KLF8: variants seen among roughly 807,000 people sequenced by gnomAD.
KLF8 encodes KLF transcription factor 8.
In KLF8, 10 loss-of-function variants were observed where a neutral mutation model predicts 18.2. The ratio of observed to expected loss-of-function variants is 0.55; its 90% confidence interval spans 0.34 to 0.93. The LOEUF (loss-of-function observed/expected upper bound fraction) is 0.93. KLF8 is among the 40% of genes least tolerant of loss of function. The pLI is 0.02. For synonymous variants in KLF8, 109 were observed against 97.3 expected (o/e 1.12, Z -0.71); for missense variants, 264 against 277.9 (o/e 0.95, Z 0.36).
At chrX:56,000,477 G>A in the KLF8 span, among the ~76,000 whole-genome samples, 1 of 54,805 alleles carries the variant, frequency 1.8e-5, no homozygotes, top group Non-Finnish European at 2.7e-5. Flanking sequence ...CTTTTTCTTG[G>A]GGGGGGGGGG....
the KLF8 span, among the ~76,000 whole-genome samples, chrX:56,201,631 T>A: frequency 8.9e-6 from 1 of 111,777 alleles, no homozygotes; most frequent in Admixed American, 9.5e-5. Flanking sequence ...ATTATTATAG[T>A]GAAGAAGACA....
chrX:56,183,888 G>A, the KLF8 span, among the ~76,000 whole-genome samples: 19 of 111,484 alleles, frequency 1.7e-4, no homozygotes, highest in African/African-American at 6.2e-4. Context: ...CCCGGAGGTG[G>A]CAGCCAAGAT....
At chrX:55,910,074 G>C in the KLF8 span, among the ~76,000 whole-genome samples, 1 of 111,980 alleles carries the variant, frequency 8.9e-6, no homozygotes, top group African/African-American at 3.2e-5. Context: ...TTTTTGTTTG[G>C]TCAATGGAAT....
At chrX:56,248,427 C>T (rs757491035) in intron 1 of KLF8, among the ~76,000 whole-genome samples, 17 of 111,516 alleles carry the variant, frequency 1.5e-4, no homozygotes, top group Non-Finnish European at 3.0e-4. Context: ...ACCGTGTTAC[C>T]CCCTCTTTTG....
the KLF8 span, among the ~76,000 whole-genome samples, chrX:56,147,709 T>C: frequency 8.9e-6 from 1 of 112,052 alleles, no homozygotes; most frequent in South Asian, 3.7e-4. Flanking sequence ...CCGAGCATGG[T>C]GGTTCATGCC....
chrX:56,007,060 G>T, the KLF8 span, among the ~76,000 whole-genome samples: 1 of 112,197 alleles, frequency 8.9e-6, no homozygotes, highest in Non-Finnish European at 1.9e-5. Flanking sequence ...GATGCCATCA[G>T]TGGCAGCAGC....
the KLF8 span, among the ~76,000 whole-genome samples, chrX:56,162,118 C>T: frequency 2.7e-5 from 3 of 111,687 alleles, no homozygotes; most frequent in Non-Finnish European, 5.6e-5. Flanking sequence ...GCTGCCTGAA[C>T]GTTCCTCTGG....
chrX:55,922,394 T>C, the KLF8 span, among the ~76,000 whole-genome samples: 1 of 112,240 alleles, frequency 8.9e-6, no homozygotes, highest in South Asian at 3.7e-4. Flanking sequence ...TTCTCACTTA[T>C]AATGGGAGGT....
the KLF8 span, among the ~76,000 whole-genome samples, chrX:55,946,456 C>T: frequency 9.0e-6 from 1 of 111,594 alleles, no homozygotes; most frequent in Non-Finnish European, 1.9e-5. Context: ...AAACTGGGTC[C>T]CTTCCTTACA....
At chrX:56,174,349 A>T in the KLF8 span, among the ~76,000 whole-genome samples, 1 of 111,915 alleles carries the variant, frequency 8.9e-6, no homozygotes, top group South Asian at 3.7e-4. Flanking sequence ...ATTTATTGAG[A>T]TAATCAGGTG....
chrX:56,230,793 G>A (rs935800978), upstream of KLF8, among the ~76,000 whole-genome samples: 4 of 110,892 alleles, frequency 3.6e-5, no homozygotes, highest in African/African-American at 1.3e-4. Flanking sequence ...AAATGAGATC[G>A]CCTGGTGCTT....
the KLF8 span, among the ~76,000 whole-genome samples, chrX:56,078,971 G>C: frequency 9.8e-6 from 1 of 102,034 alleles, no homozygotes; most frequent in East Asian, 2.8e-4. Flanking sequence ...TTGTATTTCT[G>C]TGGGATCGAT....
chrX:56,093,797 A>G, the KLF8 span, among the ~76,000 whole-genome samples: 1 of 110,143 alleles, frequency 9.1e-6, no homozygotes, highest in East Asian at 2.8e-4. Flanking sequence ...GATGAGGGGA[A>G]GAGTTGGGAA....
At chrX:55,994,509 G>T in the KLF8 span, among the ~76,000 whole-genome samples, 1 of 106,019 alleles carries the variant, frequency 9.4e-6, no homozygotes, top group East Asian at 3.0e-4. Flanking sequence ...TCCTCTATTT[G>T]TGATGTTACT....
At chrX:56,035,053 C>T in the KLF8 span, among the ~76,000 whole-genome samples, 2 of 111,689 alleles carry the variant, frequency 1.8e-5, no homozygotes. Context: ...CAGCGCCCGG[C>T]CGAACTTATT....
the KLF8 span, among the ~76,000 whole-genome samples, chrX:56,143,688 G>T: frequency 2.7e-5 from 3 of 111,546 alleles, no homozygotes; most frequent in African/African-American, 9.8e-5. Flanking sequence ...ATCCTATGAG[G>T]TAAATCTCAG....
chrX:55,979,707 G>A, the KLF8 span, among the ~76,000 whole-genome samples: 1 of 112,019 alleles, frequency 8.9e-6, no homozygotes, highest in Non-Finnish European at 1.9e-5. Flanking sequence ...CAGTGATCTT[G>A]CAAGATATGG....
chrX:56,103,833 A>T, the KLF8 span, among the ~76,000 whole-genome samples: 9 of 111,140 alleles, frequency 8.1e-5, no homozygotes, highest in South Asian at 2.7e-3. Flanking sequence ...ATTCAGTATG[A>T]TATTGGCTGT....
At chrX:56,145,853 A>G in the KLF8 span, among the ~76,000 whole-genome samples, 1 of 108,766 alleles carries the variant, frequency 9.2e-6, no homozygotes, top group African/African-American at 3.5e-5. Flanking sequence ...ATCTACAAAG[A>G]ACTCAAACAA....
Sources: allele counts gnomAD v4.1 joint callset (sites outside exome capture counted in the v4.1 genomes callset), GRCh38; gene constraint gnomAD v4.1.1; transcripts MANE v1.5; gene names NCBI Gene and HGNC (gene_info 2026-07-23, HGNC 2026-07-21).